The following PSD3 variants were observed in gnomAD, a reference collection of about 807,000 sequenced individuals.
PSD3 encodes the protein PH and SEC7 domain-containing protein 3.
PSD3 carries 49 observed loss-of-function variants against 105.5 expected under a neutral mutation model. The observed-to-expected ratio is 0.46, with a 90% CI of 0.37 to 0.59. The LOEUF is 0.59. Ranked by LOEUF, PSD3 falls within the 20% of genes least tolerant of loss-of-function variation. The pLI, the probability that PSD3 is intolerant of heterozygous loss-of-function variation, is 0.00. For missense variants in PSD3, 1,561 were observed against 1,263.8 expected (o/e 1.24, Z -3.57); for synonymous variants, 557 against 457.8 (o/e 1.22, Z -2.77).
intron 9 of PSD3, among the ~76,000 whole-genome samples, chr8:18,679,453 T>G (rs1800261579): frequency 6.6e-6 from 1 of 152,190 alleles, no homozygotes; most frequent in Non-Finnish European, 1.5e-5. Context: ...CTTTAACACG[T>G]TTATGGTTAA....
intron 11 of PSD3, among the ~76,000 whole-genome samples, chr8:18,627,678 A>C (rs1186679601): frequency 1.3e-5 from 2 of 152,074 alleles, no homozygotes; most frequent in African/African-American, 4.8e-5. Context: ...GTTAATCTGC[A>C]AGTTACTTAC....
chr8:18,797,848 T>C (rs980066490), intron 8 of PSD3, among the ~76,000 whole-genome samples: 1 of 152,174 alleles, frequency 6.6e-6, no homozygotes, highest in Admixed American at 6.6e-5. Context: ...TTTATGTTGA[T>C]GGAACCTCAA....
At chr8:18,916,029 G>A (rs559910652) in intron 2 of PSD3, among the ~76,000 whole-genome samples, 1 of 152,134 alleles carries the variant, frequency 6.6e-6, no homozygotes, top group African/African-American at 2.4e-5. Flanking sequence ...CCAGGAGGCG[G>A]AGGTTGCAGT....
chr8:18,835,041 G>GAAAAA (rs1813993306), intron 4 of PSD3, among the ~76,000 whole-genome samples: 1 of 152,114 alleles, frequency 6.6e-6, no homozygotes, highest in South Asian at 2.1e-4. Flanking sequence ...CCATTAAATT[G>GAAAAA]GTTAAGATAA....
At chr8:18,784,160 G>T (rs1808901830) in intron 8 of PSD3, among the ~76,000 whole-genome samples, 1 of 151,984 alleles carries the variant, frequency 6.6e-6, no homozygotes, top group Admixed American at 6.6e-5. Context: ...CCTGTCATCA[G>T]GTATCTGTTA....
chr8:18,583,603 C>T (rs117634676), intron 12 of PSD3, among the ~76,000 whole-genome samples: 203 of 152,224 alleles, frequency 1.3e-3, no homozygotes, highest in Non-Finnish European at 1.7e-3. Context: ...TATCCATACA[C>T]GTTTGTCTCT....
At chr8:18,835,872 G>A (rs778805722) in intron 4 of PSD3, among the ~76,000 whole-genome samples, 6 of 152,312 alleles carry the variant, frequency 3.9e-5, no homozygotes, top group East Asian at 1.9e-4. Flanking sequence ...CGGTGTATGC[G>A]GTGTAGATGG....
At chr8:18,935,965 G>A in intron 2 of PSD3, 69 bp downstream of exon 2, 1 of 1,012,760 alleles carries the variant, frequency 9.9e-7, no homozygotes, top group South Asian at 1.4e-5. Flanking sequence ...TGCAGGTGGA[G>A]AAAAATCACT....
At chr8:18,829,925 T>C (rs997493494) in intron 4 of PSD3, among the ~76,000 whole-genome samples, 18 of 152,294 alleles carry the variant, frequency 1.2e-4, no homozygotes, top group Middle Eastern at 3.4e-3. Context: ...CCATACCTTC[T>C]TCCCCAAAAA....
chr8:18,718,231 TTTTA>T (rs1353229089), intron 9 of PSD3, among the ~76,000 whole-genome samples: 1 of 152,222 alleles, frequency 6.6e-6, no homozygotes, highest in African/African-American at 2.4e-5. Context: ...CCTCACAATC[TTTTA>T]TTTTATTAAT....
intron 2 of PSD3, among the ~76,000 whole-genome samples, chr8:18,909,424 G>T (rs372223649): frequency 1.3e-5 from 2 of 151,606 alleles, no homozygotes; most frequent in African/African-American, 2.4e-5. Flanking sequence ...TGGATAAAAG[G>T]GTATTTGGTC....
At chr8:18,686,717 G>C (rs865943515) in intron 9 of PSD3, among the ~76,000 whole-genome samples, 1 of 152,016 alleles carries the variant, frequency 6.6e-6, no homozygotes, top group Non-Finnish European at 1.5e-5. Flanking sequence ...TGTCAGTCAG[G>C]CCTGACTCTT....
intron 12 of PSD3, among the ~76,000 whole-genome samples, chr8:18,584,210 G>C (rs141075361): frequency 6.6e-6 from 1 of 152,258 alleles, no homozygotes; most frequent in African/African-American, 2.4e-5. Flanking sequence ...AGTGGCTGGA[G>C]CCAGGCAAGT....
chr8:18,776,217 C>T (rs1808057292), intron 8 of PSD3, among the ~76,000 whole-genome samples: 1 of 148,836 alleles, frequency 6.7e-6, no homozygotes, highest in Admixed American at 6.7e-5. Context: ...TATTTCCATG[C>T]CAGTACCATA....
At chr8:18,969,803 A>G (rs1437207975) in intron 1 of PSD3, among the ~76,000 whole-genome samples, 1 of 152,192 alleles carries the variant, frequency 6.6e-6, no homozygotes, top group Non-Finnish European at 1.5e-5. Flanking sequence ...AATATTTAGG[A>G]GGAAATAATA....
intron 9 of PSD3, among the ~76,000 whole-genome samples, chr8:18,745,252 T>C (rs1804913752): frequency 6.6e-6 from 1 of 152,240 alleles, no homozygotes; most frequent in African/African-American, 2.4e-5. Context: ...AAATTTAGTA[T>C]CCTTCAATGG....
chr8:18,614,349 C>G (rs34451041), intron 11 of PSD3, among the ~76,000 whole-genome samples: 7 of 149,578 alleles, frequency 4.7e-5, no homozygotes, highest in Middle Eastern at 3.4e-3. Context: ...ATCCCCCCCC[C>G]AAAAAAATCA....
chr8:18,625,209 C>CACAA (rs1399130870), intron 11 of PSD3, among the ~76,000 whole-genome samples: 1 of 151,920 alleles, frequency 6.6e-6, no homozygotes, highest in Admixed American at 6.6e-5. Flanking sequence ...CACACACACA[C>CACAA]ACACACACAC....
intron 2 of PSD3, among the ~76,000 whole-genome samples, chr8:18,911,089 T>C (rs575949077): frequency 2.6e-5 from 4 of 151,922 alleles, no homozygotes; most frequent in East Asian, 3.9e-4. Context: ...TCCTGGGCAA[T>C]AGAATGAGGC....
Sources: gnomAD v4.1 joint callset for allele counts (sites outside exome capture counted in the v4.1 genomes callset) on GRCh38, gnomAD v4.1.1 for gene constraint, MANE v1.5 for transcripts, NCBI Gene and HGNC (gene_info 2026-07-23, HGNC 2026-07-21) for gene names.